Variants in BCAS3 observed in about 807,000 individuals in gnomAD.
BCAS3 encodes the protein BCAS3 microtubule associated cell migration factor.
BCAS3 carries 53 observed loss-of-function variants against 116.1 expected under a neutral mutation model. That is an observed-to-expected ratio of 0.46 (90% CI 0.37 to 0.57). The LOEUF is 0.57. Ranked by LOEUF, BCAS3 falls within the 20% of genes least tolerant of loss-of-function variation. BCAS3 has a pLI of 0.00. For synonymous variants in BCAS3, 391 were observed against 408.2 expected, an observed-to-expected ratio of 0.96 and a Z score of 0.51; for missense variants, 917 against 1,165.4, an observed-to-expected ratio of 0.79 and a Z score of 3.10.
intron 22 of BCAS3, among the ~76,000 whole-genome samples, chr17:61,341,054 G>A (rs1021153215): frequency 2.6e-5 from 4 of 152,200 alleles, no homozygotes; most frequent in Admixed American, 2.0e-4. Context: ...GGTCATCTGT[G>A]TGAGTATGAT....
chr17:60,987,277 T>A (rs1171572859), intron 14 of BCAS3: 3 of 137,444 alleles, frequency 2.2e-5, no homozygotes, highest in Admixed American at 7.2e-5. Flanking sequence ...TTCCTCCAGG[T>A]TTTTTTTTTT....
rs1243330214 is a variant in BCAS3 at position 61,302,529 on chromosome 17, T to C, written c.2426-65798T>C. ...ATTAAGATGTGGAGTATTGTTACAC[T>C]ATTTTTAGATAGTCTCCTTATCTGA... On this transcript the variant is annotated intron_variant, in intron 22 of 23. Transcript: ENST00000407086. The surrounding 1 kb of genome is among the most constrained non-coding windows in gnomAD (Gnocchi z 4.4). 6.6e-6 allele frequency among the ~76,000 whole-genome samples: 1 copy of C among 152,232 alleles called. No individual in the cohort carries two copies. The highest frequency in any genetic ancestry group is 1.5e-5 in the Non-Finnish European group (1 of 68,032).
In BCAS3 at chr17:61,366,430, C is replaced by A. The variant is rs538059157; in HGVS notation, c.2426-1897C>A. On this transcript the variant is annotated intron_variant, in intron 22 of 23. Coordinates refer to ENST00000407086, the MANE Select transcript of BCAS3 (RefSeq NM_017679.5). This position sits in a 1 kb window ranked among gnomAD's most constrained non-coding sequence, Gnocchi z 4.5. ...TCATGCAGTGAGTCGGCAGCAGAAT[C>A]AGAAGCTTAGTGGATGTCAGCAGTC... 4.6e-5 allele frequency among the ~76,000 whole-genome samples: 7 copies of A among 152,320 alleles called. No individual in the cohort carries two copies. In the South Asian group the frequency reaches 1.2e-3, roughly 27 times the overall value.
intron 6 of BCAS3, among the ~76,000 whole-genome samples, chr17:60,780,099 T>A (rs1598660163): frequency 6.6e-6 from 1 of 151,544 alleles, no homozygotes; most frequent in South Asian, 2.1e-4. Context: ...AAGCGATTCT[T>A]CTGCCTCGGC....
At position 61,220,924 on chromosome 17, in the gene BCAS3, C is replaced by A. The variant is rs2082072634; in HGVS notation, c.2425+136360C>A. 6.6e-6 allele frequency among the ~76,000 whole-genome samples: 1 copy of A among 151,820 alleles called. No individual in the cohort carries two copies. The highest frequency in any genetic ancestry group is 1.5e-5 in the Non-Finnish European group (1 of 67,940). On this transcript the variant is annotated intron_variant, in intron 22 of 23. Coordinates refer to ENST00000407086, the MANE Select transcript of BCAS3 (RefSeq NM_017679.5). The surrounding 1 kb of genome is among the most constrained non-coding windows in gnomAD (Gnocchi z 4.5). ...GACCATCCTGGCCAACACGGTGAAA[C>A]CCCATCTCTACTAAAAATACAAAAA...
In BCAS3 at chr17:61,162,443, A is replaced by T. The variant is rs1266121160; in HGVS notation, c.2425+77879A>T. Among the ~76,000 whole-genome samples, 1 of 152,226 alleles carries T rather than the reference A, an allele frequency of 6.6e-6. No homozygotes were observed. Among genetic ancestry groups the T allele is most frequent in the Admixed American group, 6.5e-5 (1 of 15,280 alleles). ...AAGAATATTCTCACACCATAGATAT[A>T]GAGAAAGGACAGGTATATACATCGT... On this transcript the variant is annotated intron_variant, in intron 22 of 23. Coordinates refer to ENST00000407086, the MANE Select transcript of BCAS3 (RefSeq NM_017679.5). This position sits in a 1 kb window ranked among gnomAD's most constrained non-coding sequence, Gnocchi z 5.6.
intron 22 of BCAS3, among the ~76,000 whole-genome samples, chr17:61,294,356 C>T (rs2052702694): frequency 6.6e-6 from 1 of 152,156 alleles, no homozygotes; most frequent in Non-Finnish European, 1.5e-5. Context: ...TCCCACCAGC[C>T]TAGGGAAAAT....
At chr17:60,683,911 G>A in intron 2 of BCAS3, 71 bp from the exon 3 acceptor site, 1 of 1,302,030 alleles carries the variant, frequency 7.7e-7, no homozygotes, top group Non-Finnish European at 1.1e-6. Flanking sequence ...ATTAAGGCTT[G>A]TAAATAGAGC....
Position 61,354,939 on chromosome 17 carries a change from T to A in BCAS3, c.2426-13388T>A, listed in dbSNP as rs558770172. ...AGGGCAGGTGGACTCCTCCTTTCCT[T>A]TCCCCGCAGCTACTGTCCCAGGGCC... On this transcript the variant is annotated intron_variant, in intron 22 of 23. Transcript: ENST00000407086. The surrounding 1 kb of genome is among the most constrained non-coding windows in gnomAD (Gnocchi z 4.5). The A allele has an allele frequency of 2.0e-5, 3 of 152,400 alleles. No homozygotes were observed. Among genetic ancestry groups the A allele is most frequent in the Admixed American group, 1.3e-4 (2 of 15,300 alleles). 9.4% of individuals were successfully genotyped at this position (152,400 alleles called of 1,614,324 possible).
rs1232517363 is a variant in BCAS3, at chr17:61,364,256, T to G, written c.2426-4071T>G. Among the ~76,000 whole-genome samples the G allele has an allele frequency of 6.6e-6, 1 of 152,188 alleles. No individual in the cohort carries two copies. The highest frequency in any genetic ancestry group is 6.5e-5 in the Admixed American group (1 of 15,286). ...AGAGAGAACAGACCCACTATCAAATTGTGTTTCTCCTGTGTGCCATCCCGT... is the reference window on the plus strand; with the variant it reads ...AGAGAGAACAGACCCACTATCAAATGGTGTTTCTCCTGTGTGCCATCCCGT... On this transcript the variant is annotated intron_variant, in intron 22 of 23. Coordinates refer to ENST00000407086, the MANE Select transcript of BCAS3 (RefSeq NM_017679.5). This position sits in a 1 kb window ranked among gnomAD's most constrained non-coding sequence, Gnocchi z 5.4.
rs75222874 is a variant in BCAS3, at chr17:61,186,350, C to T, written c.2425+101786C>T. Among the ~76,000 whole-genome samples, 1,142 of 152,238 alleles carry T rather than the reference C, an allele frequency of 7.5e-3. 11 individuals are homozygous for T. The highest frequency in any genetic ancestry group is 0.026 in the African/African-American group (1,076 of 41,542). On this transcript the variant is annotated intron_variant, in intron 22 of 23. Transcript: ENST00000407086. The surrounding 1 kb of genome is among the most constrained non-coding windows in gnomAD (Gnocchi z 4.9). ...TCTTAGCTGTTTTCACTAGTATATA[C>T]GTATAAATGTATACTGCTTAACGAA...
rs567729366 is a variant in BCAS3, at chr17:60,752,668, C to T, written c.403+5389C>T. 9.5e-3 allele frequency among the ~76,000 whole-genome samples: 1,447 copies of T among 152,086 alleles called. 10 individuals are homozygous for T. The highest frequency in any genetic ancestry group is 0.014 in the Non-Finnish European group (984 of 67,980). On this transcript the variant is annotated intron_variant, in intron 6 of 23. Transcript: ENST00000407086. ...TTGATCTCCTGACTGCGTGATCCGC[C>T]TGCCTCGGCCTTGTGTATTTCAATT...
rs1799745328 is a variant in BCAS3, at chr17:61,128,857, A to C, written c.2425+44293A>C. Among the ~76,000 whole-genome samples the C allele has an allele frequency of 6.6e-6, 1 of 152,238 alleles. No individual in the cohort carries two copies. Among genetic ancestry groups the C allele is most frequent in the South Asian group, 2.1e-4 (1 of 4,828 alleles). ...TCTCCTAAACACATGGTTAGCACAG[A>C]AAATTTAAATCAGTTCCCCAAAATT... On this transcript the variant is annotated intron_variant, in intron 22 of 23. Transcript: ENST00000407086. This position sits in a 1 kb window ranked among gnomAD's most constrained non-coding sequence, Gnocchi z 4.1.
chr17:61,027,835 C>A (rs2066366956), intron 16 of BCAS3, among the ~76,000 whole-genome samples: 1 of 151,866 alleles, frequency 6.6e-6, no homozygotes, highest in Non-Finnish European at 1.5e-5. Flanking sequence ...CAGTGCCTGG[C>A]ACATAGTAAA....
intron 5 of BCAS3, among the ~76,000 whole-genome samples, chr17:60,731,508 T>C (rs1489246243): frequency 6.6e-6 from 1 of 152,090 alleles, no homozygotes; most frequent in Non-Finnish European, 1.5e-5. Flanking sequence ...GGCCTTAATG[T>C]GTATATTTAA....
At chr17:60,762,907 T>C (rs923720180) in intron 6 of BCAS3, among the ~76,000 whole-genome samples, 1 of 151,742 alleles carries the variant, frequency 6.6e-6, no homozygotes, top group African/African-American at 2.4e-5. Flanking sequence ...CTTGAAGAGG[T>C]CCTTCACGTC....
rs921558073 is a variant in BCAS3, at chr17:61,222,411, G to T, written c.2425+137847G>T. On this transcript the variant is annotated intron_variant, in intron 22 of 23. Transcript: ENST00000407086. The surrounding 1 kb of genome is among the most constrained non-coding windows in gnomAD (Gnocchi z 6.1). ...TTTTCTCTGGAAACTGGGAGAGGTG[G>T]AGTAGATGGTCTCCAAGGTAGCTTG... Among the ~76,000 whole-genome samples the T allele has an allele frequency of 2.0e-5, 3 of 152,180 alleles. No individual in the cohort carries two copies. Among genetic ancestry groups the T allele is most frequent in the African/African-American group, 4.8e-5 (2 of 41,446 alleles).
intron 22 of BCAS3, among the ~76,000 whole-genome samples, chr17:61,289,736 A>C (rs1201465950): frequency 6.6e-6 from 1 of 152,248 alleles, no homozygotes; most frequent in Admixed American, 6.5e-5. Context: ...AAATAAAAAA[A>C]AAATGATGAT....
At chr17:61,049,730 C>CTTTTTT (rs1027378849) in intron 19 of BCAS3, among the ~76,000 whole-genome samples, 83 of 120,768 alleles carry the variant, frequency 6.9e-4, no homozygotes, top group East Asian at 1.1e-3. Flanking sequence ...CTTTTCTTTT[C>CTTTTTT]TTTTTTTTTT....
Sources: allele counts gnomAD v4.1 joint callset (sites outside exome capture counted in the v4.1 genomes callset), GRCh38; gene constraint gnomAD v4.1.1; non-coding constraint Gnocchi (gnomAD v3.1); transcripts MANE v1.5; gene names NCBI Gene and HGNC (gene_info 2026-07-23, HGNC 2026-07-21).